SCHIP1: variants seen among roughly 807,000 people sequenced by gnomAD.
SCHIP1 encodes schwannomin interacting protein 1, also known as schwannomin-interacting protein 1.
In SCHIP1, 8 loss-of-function variants were observed where a neutral mutation model predicts 29.7. The ratio of observed to expected loss-of-function variants is 0.27; its 90% CI spans 0.16 to 0.49. The LOEUF is 0.49. Among genes scored for constraint, SCHIP1 ranks in the 20% least tolerant of loss-of-function variants. The pLI is 0.99. For synonymous variants in SCHIP1, 76 were observed against 94.9 expected, an observed-to-expected ratio of 0.80 and a Z score of 1.16; for missense variants, 193 against 294.6, an observed-to-expected ratio of 0.66 and a Z score of 2.52.
the SCHIP1 span, among the ~76,000 whole-genome samples, chr3:159,468,772 TA>T: frequency 6.6e-4 from 84 of 128,070 alleles, no homozygotes; most frequent in African/African-American, 2.2e-3. Context: ...TATATATATA[TA>T]TATATTTTTT....
chr3:159,481,348 G>A, the SCHIP1 span, among the ~76,000 whole-genome samples: 4 of 152,158 alleles, frequency 2.6e-5, no homozygotes, highest in Non-Finnish European at 5.9e-5. Flanking sequence ...AGGTGATACA[G>A]TCTACAGCTC....
the SCHIP1 span, among the ~76,000 whole-genome samples, chr3:159,812,291 T>G: frequency 7.4e-4 from 113 of 152,238 alleles, no homozygotes; most frequent in Non-Finnish European, 1.4e-3. Context: ...AGTGTATAAG[T>G]CTTGCACTTC....
At chr3:159,786,897 TA>T in the SCHIP1 span, among the ~76,000 whole-genome samples, 1 of 152,102 alleles carries the variant, frequency 6.6e-6, no homozygotes, top group Non-Finnish European at 1.5e-5. Context: ...AATATTTTTG[TA>T]AAAATTAAAG....
At chr3:159,523,173 A>G in the SCHIP1 span, among the ~76,000 whole-genome samples, 1 of 152,176 alleles carries the variant, frequency 6.6e-6, no homozygotes, top group South Asian at 2.1e-4. Context: ...AATAAAATAA[A>G]ATCTATTTTT....
At chr3:159,635,216 C>T in the SCHIP1 span, among the ~76,000 whole-genome samples, 1 of 152,140 alleles carries the variant, frequency 6.6e-6, no homozygotes, top group Non-Finnish European at 1.5e-5. Context: ...TCAAATATTT[C>T]ACAACCACAA....
At chr3:159,884,005 T>C (rs1343194519) in intron 2 of SCHIP1, among the ~76,000 whole-genome samples, 1 of 152,240 alleles carries the variant, frequency 6.6e-6, no homozygotes, top group Non-Finnish European at 1.5e-5. Context: ...TTGTAAACTT[T>C]ATTTTGCTTT....
the SCHIP1 span, among the ~76,000 whole-genome samples, chr3:159,612,766 C>T: frequency 6.6e-6 from 1 of 152,132 alleles, no homozygotes; most frequent in Non-Finnish European, 1.5e-5. Flanking sequence ...AAATCCTTTA[C>T]CAAAGACTTC....
the SCHIP1 span, among the ~76,000 whole-genome samples, chr3:159,295,068 T>C: frequency 6.6e-6 from 1 of 151,944 alleles, no homozygotes; most frequent in East Asian, 1.9e-4. Context: ...TTAGCCTAAA[T>C]GATTCAATAT....
At chr3:159,618,510 A>T in the SCHIP1 span, among the ~76,000 whole-genome samples, 1 of 152,212 alleles carries the variant, frequency 6.6e-6, no homozygotes, top group African/African-American at 2.4e-5. Flanking sequence ...CTCCTTGGAA[A>T]CCCTGAAAAT....
At chr3:159,496,937 A>G in the SCHIP1 span, among the ~76,000 whole-genome samples, 1 of 152,236 alleles carries the variant, frequency 6.6e-6, no homozygotes, top group African/African-American at 2.4e-5. Context: ...AAAAAATGAT[A>G]AGTTCATGTC....
chr3:159,866,124 G>T (rs1160272860), intron 1 of SCHIP1, 39 bp from the exon 3 acceptor site: 12 of 1,589,884 alleles, frequency 7.5e-6, no homozygotes, highest in Non-Finnish European at 1.0e-5. Flanking sequence ...TGCTATATCT[G>T]CCCACTTATC....
chr3:159,318,764 A>G, the SCHIP1 span, among the ~76,000 whole-genome samples: 3 of 152,154 alleles, frequency 2.0e-5, no homozygotes, highest in Non-Finnish European at 4.4e-5. Flanking sequence ...GGTAGATACC[A>G]CTTCCATCTG....
the SCHIP1 span, among the ~76,000 whole-genome samples, chr3:159,437,554 G>A: frequency 6.6e-6 from 1 of 151,946 alleles, no homozygotes; most frequent in Non-Finnish European, 1.5e-5. Flanking sequence ...CTGGCTCCTG[G>A]CCCATGACAG....
chr3:159,724,101 CTT>C, the SCHIP1 span, among the ~76,000 whole-genome samples: 3 of 152,074 alleles, frequency 2.0e-5, no homozygotes, highest in Admixed American at 1.3e-4. Flanking sequence ...ATTTCATTGT[CTT>C]AAGTTGCATA....
At chr3:159,883,333 A>G (rs967091909) in intron 2 of SCHIP1, among the ~76,000 whole-genome samples, 1 of 152,188 alleles carries the variant, frequency 6.6e-6, no homozygotes, top group African/African-American at 2.4e-5. Context: ...AAGACTGGTT[A>G]TGAGGGCAGC....
chr3:159,416,251 C>A, the SCHIP1 span, among the ~76,000 whole-genome samples: 1 of 152,216 alleles, frequency 6.6e-6, no homozygotes, highest in Admixed American at 6.5e-5. Flanking sequence ...CAAATGTGAT[C>A]TCTCTACAGA....
chr3:159,612,137 T>C, the SCHIP1 span, among the ~76,000 whole-genome samples: 1 of 151,876 alleles, frequency 6.6e-6, no homozygotes, highest in African/African-American at 2.4e-5. Flanking sequence ...AGGAAAAAAC[T>C]GACTCAAAAA....
At position 159,871,975 on chromosome 3, in the gene SCHIP1, G is replaced by A. The variant is rs112878879; in HGVS notation, c.149+5694G>A. On this transcript the variant is annotated intron_variant, in intron 2 of 6. Coordinates refer to ENST00000445224, the Ensembl canonical transcript of SCHIP1. ...ACTTTCAGCTGTATCTGAGCATTTC[G>A]AGGATCCTGCAGTAGAAATGCATGT... 9.2e-3 allele frequency among the ~76,000 whole-genome samples: 1,400 copies of A among 152,202 alleles called. 8 individuals carry two copies. Among genetic ancestry groups the A allele is most frequent in the Non-Finnish European group, 0.014 (981 of 67,992 alleles).
chr3:159,872,955 T>A (rs1715430304), intron 2 of SCHIP1, among the ~76,000 whole-genome samples: 1 of 152,172 alleles, frequency 6.6e-6, no homozygotes, highest in Admixed American at 6.5e-5. Context: ...GAACATTGAG[T>A]TCACCAGTAT....
Sources: gnomAD v4.1 joint callset for allele counts (sites outside exome capture counted in the v4.1 genomes callset) on GRCh38, gnomAD v4.1.1 for gene constraint, MANE v1.5 for transcripts, NCBI Gene and HGNC (gene_info 2026-07-23, HGNC 2026-07-21) for gene names.